RPRD2: variants seen among roughly 807,000 people sequenced by gnomAD.
RPRD2 encodes the protein regulation of nuclear pre-mRNA domain-containing protein 2.
In RPRD2, 12 loss-of-function variants were observed where a neutral mutation model predicts 104.4. The observed-to-expected ratio is 0.11, with a 90% CI of 0.07 to 0.19. The LOEUF is 0.19. Among genes scored for constraint, RPRD2 ranks in the 10% least tolerant of loss-of-function variants. The pLI, the probability that RPRD2 is intolerant of heterozygous loss-of-function variation, is 1.00. For synonymous variants in RPRD2, 714 were observed against 684.9 expected (o/e 1.04, Z -0.66); for missense variants, 1,543 against 1,790.1 (o/e 0.86, Z 2.49).
At chr1:150,468,560 T>TGA (rs1668424042) in intron 10 of RPRD2, among the ~76,000 whole-genome samples, 2 of 151,776 alleles carry the variant, frequency 1.3e-5, no homozygotes, top group African/African-American at 4.8e-5. Flanking sequence ...GACTTCTGGG[T>TGA]TTTGTGAGAA....
chr1:150,431,074 T>C (rs1665534792), intron 2 of RPRD2, among the ~76,000 whole-genome samples: 1 of 152,146 alleles, frequency 6.6e-6, no homozygotes, highest in Non-Finnish European at 1.5e-5. Context: ...AACAAGCAGT[T>C]TTAAAAGCAT....
rs1436411379 is a variant in RPRD2, at chr1:150,384,436, A to G, written c.205+19517A>G. Among the ~76,000 whole-genome samples, 3 of 140,168 alleles carry G rather than the reference A, an allele frequency of 2.1e-5. No individual in the cohort carries two copies. The Admixed American group carries it at 2.2e-4, about 10-fold the overall frequency. The allele number at this position is 140,168 out of a possible 152,430, so 92.0% of individuals were successfully genotyped here. On this transcript the variant is annotated intron_variant, in intron 1 of 10. Transcript: ENST00000369068. ...GAGAATGGAAAAGACAGAAGGAATAAAAGGCATCATCATCATTATTATTAT... is the reference window on the plus strand; with the variant it reads ...GAGAATGGAAAAGACAGAAGGAATAGAAGGCATCATCATCATTATTATTAT...
intron 1 of RPRD2, among the ~76,000 whole-genome samples, chr1:150,412,935 G>A (rs1249600874): frequency 1.3e-5 from 2 of 151,738 alleles, no homozygotes; most frequent in African/African-American, 2.4e-5. Flanking sequence ...TTGGGCTGTG[G>A]GTTTTTTGTT....
chr1:150,448,534 A>G (rs781822140), intron 7 of RPRD2, among the ~76,000 whole-genome samples: 2 of 152,194 alleles, frequency 1.3e-5, no homozygotes, highest in Non-Finnish European at 2.9e-5. Flanking sequence ...ATCATACTTA[A>G]TTACTCTTTG....
In RPRD2 at chr1:150,446,145, A is replaced by G; in HGVS notation, c.695-81A>G. 5.5e-6 allele frequency: 5 copies of G among 911,136 alleles called. No homozygotes were observed. In the South Asian group the frequency reaches 7.6e-5, roughly 14 times the overall value. The allele number at this position is 911,136 out of a possible 1,614,324, so 56.4% of individuals were successfully genotyped here. A position where few individuals can be genotyped will look rare whatever the true frequency, so the allele number is the denominator to read the frequency against. ...GCAGCAAGAGTATGTTCACAAAGAGAGGTTTTCTTCAAAAGTCAAAAGACT... is the reference window on the plus strand; with the variant it reads ...GCAGCAAGAGTATGTTCACAAAGAGGGGTTTTCTTCAAAAGTCAAAAGACT... On this transcript the variant is annotated intron_variant, in intron 6 of 10. Transcript: ENST00000369068.
At chr1:150,435,804 G>C (rs1191087432) in intron 2 of RPRD2, among the ~76,000 whole-genome samples, 1 of 152,228 alleles carries the variant, frequency 6.6e-6, no homozygotes, top group Non-Finnish European at 1.5e-5. Flanking sequence ...GGTGGCTCCA[G>C]TAATCAGCAG....
At chr1:150,453,653 T>C (rs2102395650) in intron 7 of RPRD2, among the ~76,000 whole-genome samples, 1 of 152,358 alleles carries the variant, frequency 6.6e-6, no homozygotes, top group African/African-American at 2.4e-5. Flanking sequence ...GTTACGGGTA[T>C]GTTAGTGGTG....
In RPRD2 at chr1:150,472,133, G is replaced by A. The variant is rs201638526; in HGVS notation, c.3185G>A (p.Arg1062His). 59 of 1,613,760 alleles carry A rather than the reference G, an allele frequency of 3.7e-5. No individual in the cohort carries two copies. Among genetic ancestry groups the A allele is most frequent in the Middle Eastern group, 1.6e-4 (1 of 6,062 alleles). ...CAGCAGCAACAAGAAGAGCACTACC[G>A]CATAGAAACCCGCGTCTCCTCCTCC... ...TDQQQQEEHY[R>H]IETRVSSSCL... The change falls in exon 11 of 11, where the codon CGC (arginine) becomes CAC (histidine). Residue 1062 changes from arginine (R) to histidine (H), a missense_variant. Coordinates refer to ENST00000369068, the MANE Select transcript of RPRD2 (RefSeq NM_015203.5).
intron 1 of RPRD2, among the ~76,000 whole-genome samples, chr1:150,414,995 A>C (rs1007440284): frequency 3.3e-5 from 5 of 152,188 alleles, no homozygotes; most frequent in Admixed American, 2.0e-4. Context: ...ACATATGTTG[A>C]GAGACAGCCT....
At position 150,364,515 on chromosome 1, in the gene RPRD2, T is replaced by C; in HGVS notation, c.-200T>C. 3 of 540,950 alleles carry C rather than the reference T, an allele frequency of 5.5e-6. No individual in the cohort carries two copies. Among genetic ancestry groups the C allele is most frequent in the Non-Finnish European group, 9.7e-6 (3 of 308,686 alleles). 33.5% of individuals were successfully genotyped at this position (540,950 alleles called of 1,614,324 possible). On this transcript the variant is annotated 5_prime_UTR_variant, in exon 1 of 11. Transcript: ENST00000369068. ...AGACCCGCAGCCCCTCCTTGCAGCG[T>C]GTAGGAGCTGCCAGCGTGCCCAGCA...
intron 1 of RPRD2, among the ~76,000 whole-genome samples, chr1:150,369,781 T>A (rs1375850487): frequency 7.2e-6 from 1 of 139,676 alleles, no homozygotes; most frequent in Non-Finnish European, 1.5e-5. Flanking sequence ...TTTTATGTTT[T>A]TGTTTTTGTT....
chr1:150,436,768 G>A (rs1357935491), intron 2 of RPRD2, among the ~76,000 whole-genome samples: 1 of 152,112 alleles, frequency 6.6e-6, no homozygotes, highest in Non-Finnish European at 1.5e-5. Context: ...AGCCAGGCAT[G>A]GTGGCACACG....
intron 1 of RPRD2, among the ~76,000 whole-genome samples, chr1:150,412,302 A>G (rs971585164): frequency 6.6e-5 from 10 of 152,116 alleles, no homozygotes; most frequent in African/African-American, 2.4e-4. Flanking sequence ...ACTTTTTTTC[A>G]TTCCTCCAGA....
chr1:150,366,424 C>T (rs1252401530), intron 1 of RPRD2, among the ~76,000 whole-genome samples: 3 of 152,198 alleles, frequency 2.0e-5, no homozygotes, highest in Non-Finnish European at 4.4e-5. Context: ...AGATACCGGA[C>T]AGAATTACCT....
intron 1 of RPRD2, among the ~76,000 whole-genome samples, chr1:150,367,142 G>A (rs1388360053): frequency 6.6e-6 from 1 of 152,126 alleles, no homozygotes; most frequent in Non-Finnish European, 1.5e-5. Context: ...ATATGATGTT[G>A]TTTTTCTAGT....
At chr1:150,366,524 A>G (rs1659855100) in intron 1 of RPRD2, among the ~76,000 whole-genome samples, 1 of 152,238 alleles carries the variant, frequency 6.6e-6, no homozygotes, top group African/African-American at 2.4e-5. Flanking sequence ...AACAGTCATC[A>G]TTGAAGACTC....
chr1:150,436,640 C>CA (rs1273137743), intron 2 of RPRD2, among the ~76,000 whole-genome samples: 1 of 147,606 alleles, frequency 6.8e-6, no homozygotes, highest in Non-Finnish European at 1.5e-5. Context: ...TGGTGGCTCA[C>CA]ACCTGTAATC....
chr1:150,442,159 C>G, intron 4 of RPRD2, among the ~76,000 whole-genome samples: 1 of 147,962 alleles, frequency 6.8e-6, no homozygotes, highest in East Asian at 2.0e-4. Flanking sequence ...AAAAACTACA[C>G]TTTAAAACAA....
intron 7 of RPRD2, among the ~76,000 whole-genome samples, chr1:150,449,942 C>G (rs1269432305): frequency 6.6e-6 from 1 of 151,974 alleles, no homozygotes; most frequent in African/African-American, 2.4e-5. Flanking sequence ...ATAGTCCTTT[C>G]TGAATTTTCC....
Sources: gnomAD v4.1 joint callset for allele counts (sites outside exome capture counted in the v4.1 genomes callset) on GRCh38, gnomAD v4.1.1 for gene constraint, MANE v1.5 for transcripts, NCBI Gene and HGNC (gene_info 2026-07-23, HGNC 2026-07-21) for gene names.